IAH1: variants seen among roughly 807,000 people sequenced by gnomAD.
The protein encoded by IAH1 is isoamyl acetate-hydrolyzing esterase 1 homolog.
A neutral mutation model predicts 26.7 loss-of-function variants in IAH1; 24 were observed. That is an observed-to-expected ratio of 0.90 (90% CI 0.65 to 1.26). The LOEUF (loss-of-function observed/expected upper bound fraction) is 1.26. Among genes scored for constraint, IAH1 ranks in the 50% most tolerant of loss-of-function variants. The probability of loss-of-function intolerance (pLI) is 0.00; values close to 1 mark genes in which losing one functional copy is unlikely to be tolerated. For synonymous variants in IAH1, 140 were observed against 118.5 expected (o/e 1.18, Z -1.18); for missense variants, 300 against 299.9 (o/e 1.00, Z 0.00).
intron 5 of IAH1, chr2:9,486,488 A>C (rs1398604466): frequency 2.0e-5 from 3 of 152,214 alleles, no homozygotes; most frequent in African/African-American, 7.2e-5. Context: ...AGGCCGAAGA[A>C]GAAGTGCTAC....
chr2:9,506,962 A>G, the IAH1 span: 2 of 151,890 alleles, frequency 1.3e-5, no homozygotes, highest in Admixed American at 6.6e-5. Context: ...CATCCTTGTC[A>G]TAAGACTTCC....
At chr2:9,504,457 A>T in the IAH1 span, among the ~76,000 whole-genome samples, 105 of 146,434 alleles carry the variant, frequency 7.2e-4, no homozygotes, top group South Asian at 5.4e-3. Flanking sequence ...ATAAATAAAT[A>T]AATTAAATTA....
At chr2:9,500,836 C>T (rs1048980263), downstream of IAH1, among the ~76,000 whole-genome samples, 6 of 152,074 alleles carry the variant, frequency 3.9e-5, no homozygotes, top group African/African-American at 9.7e-5. Context: ...AACAATTGAC[C>T]GAACAAAAGA....
intron 1 of IAH1, chr2:9,475,158 A>AC: frequency 7.8e-7 from 1 of 1,287,430 alleles, no homozygotes; most frequent in African/African-American, 1.5e-5. Context: ...GTAGAAAAGG[A>AC]CCATCCGTTC....
At position 9,478,204 on chromosome 2, in the gene IAH1, T is replaced by C. The variant is rs1395030456; in HGVS notation, c.135-18T>C. On this transcript the variant is annotated intron_variant, in intron 2 of 5. Coordinates refer to ENST00000497473, the MANE Select transcript of IAH1 (RefSeq NM_001039613.3). Reference sequence around the variant, plus strand: ...ACTTCTTGCCCACAATTCATCTTTTTAAAATTTTTCGTTTCAGAAAATGTG... The same window carrying C: ...ACTTCTTGCCCACAATTCATCTTTTCAAAATTTTTCGTTTCAGAAAATGTG... 5 of 1,589,718 alleles carry C rather than the reference T, an allele frequency of 3.1e-6. No individual in the cohort carries two copies. In the East Asian group the frequency reaches 9.0e-5, roughly 29 times the overall value.
rs1172335536 is a variant in IAH1, at chr2:9,488,885, G to A, written c.*556G>A. The A allele has an allele frequency of 6.6e-6, 1 of 152,202 alleles. No individual in the cohort carries two copies. Among genetic ancestry groups the A allele is most frequent in the Non-Finnish European group, 1.5e-5 (1 of 68,050 alleles). The allele number at this position is 152,202 out of a possible 1,614,324, so 9.4% of individuals were successfully genotyped here. Reference sequence around the variant, plus strand: ...TTTACAAGTTAAAATGTTTTGGCTGGTGAGCACATTTCAGTTCTTAGGGGA... The same window carrying A: ...TTTACAAGTTAAAATGTTTTGGCTGATGAGCACATTTCAGTTCTTAGGGGA... On this transcript the variant is annotated 3_prime_UTR_variant, in exon 6 of 6. Coordinates refer to ENST00000497473, the MANE Select transcript of IAH1 (RefSeq NM_001039613.3).
At chr2:9,502,064 TGA>T in the IAH1 span, 2 of 976,810 alleles carry the variant, frequency 2.0e-6, no homozygotes, top group South Asian at 3.1e-5. Flanking sequence ...ACCCGGCATA[TGA>T]GATTAAAAAT....
chr2:9,494,758 T>A, exon 6 of IAH1: 1 of 1,613,804 alleles, frequency 6.2e-7, no homozygotes, highest in Non-Finnish European at 8.5e-7. Flanking sequence ...CTTGCAGGAG[T>A]TGTCAGTTTC....
chr2:9,491,012 G>T, downstream of IAH1: 1 of 1,201,528 alleles, frequency 8.3e-7, no homozygotes, highest in Non-Finnish European at 1.2e-6. Flanking sequence ...ATCAGCCAGT[G>T]AAAGCTCTTG....
At chr2:9,512,092 A>G in the IAH1 span, among the ~76,000 whole-genome samples, 20 of 152,242 alleles carry the variant, frequency 1.3e-4, no homozygotes, top group East Asian at 3.7e-3. Context: ...ATATTTTGCA[A>G]GTCATTTTTC....
At chr2:9,486,482 CGAA>C (rs1000345779) in intron 5 of IAH1, 14 of 152,162 alleles carry the variant, frequency 9.2e-5, no homozygotes, top group South Asian at 8.3e-4. Flanking sequence ...AAACCAAGGC[CGAA>C]GAAGAAGTGC....
intron 3 of IAH1, among the ~76,000 whole-genome samples, 174 bp downstream of exon 3, chr2:9,478,544 GA>G (rs1359876360): frequency 1.3e-5 from 2 of 152,068 alleles, no homozygotes; most frequent in African/African-American, 4.8e-5. Context: ...TTTTATTCTT[GA>G]CTCAGTTTCT....
downstream of IAH1, among the ~76,000 whole-genome samples, chr2:9,497,721 TG>T (rs1662715949): frequency 6.6e-6 from 1 of 152,182 alleles, no homozygotes; most frequent in East Asian, 1.9e-4. Flanking sequence ...GGAATGCTGG[TG>T]TTTCCACTCT....
chr2:9,484,627 C>A (rs901385352), intron 5 of IAH1, 77 bp downstream of exon 5: 1 of 961,600 alleles, frequency 1.0e-6, no homozygotes, highest in Admixed American at 1.9e-5. Context: ...CAGCAGCTTT[C>A]CCTAGAAAGG....
chr2:9,475,939 T>C, intron 1 of IAH1, 48 bp from the exon 2 acceptor site: 5 of 1,550,734 alleles, frequency 3.2e-6, no homozygotes, highest in South Asian at 1.1e-5. Context: ...CTCGCTGAGA[T>C]GCCCGGTTAC....
the IAH1 span, among the ~76,000 whole-genome samples, chr2:9,503,088 C>T: frequency 7.0e-6 from 1 of 142,672 alleles, no homozygotes; most frequent in Non-Finnish European, 1.5e-5. Flanking sequence ...TGCGGTGAGC[C>T]AAGATCGCGC....
At chr2:9,475,668 T>C in intron 1 of IAH1, 1 of 359,670 alleles carries the variant, frequency 2.8e-6, no homozygotes, top group Non-Finnish European at 5.2e-6. Flanking sequence ...ACCGGGCTAA[T>C]TTTTGTAATT....
At chr2:9,479,795 CTTTTTTTTTTTTTTTTTTTTTTTTT>C (rs5829216) in intron 3 of IAH1, among the ~76,000 whole-genome samples, 1 of 69,848 alleles carries the variant, frequency 1.4e-5, no homozygotes, top group Non-Finnish European at 2.5e-5. Context: ...CTGTGTATTG[CTTTTTTTTTTTTTTTTTTTTTTTTT>C]TTTTTTTTTT....
At chr2:9,502,805 G>A in the IAH1 span, among the ~76,000 whole-genome samples, 9 of 148,186 alleles carry the variant, frequency 6.1e-5, no homozygotes, top group Non-Finnish European at 1.2e-4. Context: ...CCTGGACCCC[G>A]GAGACAGAGG....
Sources: allele counts gnomAD v4.1 joint callset (sites outside exome capture counted in the v4.1 genomes callset), GRCh38; gene constraint gnomAD v4.1.1; transcripts MANE v1.5; gene names NCBI Gene and HGNC (gene_info 2026-07-23, HGNC 2026-07-21).